Variants in PTPRD observed in about 807,000 individuals in gnomAD.
PTPRD encodes the protein receptor-type tyrosine-protein phosphatase delta.
A neutral mutation model predicts 214.5 loss-of-function variants in PTPRD; 34 were observed. The observed-to-expected ratio is 0.16, with a 90% CI of 0.12 to 0.21. The LOEUF (loss-of-function observed/expected upper bound fraction) is 0.21, where lower values mean the gene tolerates loss of function less well. Ranked by LOEUF, PTPRD falls within the 10% of genes least tolerant of loss-of-function variation. The pLI is 1.00. For missense variants in PTPRD, 2,545 were observed against 2,398.7 expected, an observed-to-expected ratio of 1.06 and a Z score of -1.27; for synonymous variants, 1,128 against 845.7, an observed-to-expected ratio of 1.33 and a Z score of -5.79.
chr9:9,193,084 A>G (rs1472410366), intron 9 of PTPRD, among the ~76,000 whole-genome samples: 1 of 152,180 alleles, frequency 6.6e-6, no homozygotes, highest in Non-Finnish European at 1.5e-5. Flanking sequence ...TGACCTGACT[A>G]TGAAATTCCA....
intron 7 of PTPRD, among the ~76,000 whole-genome samples, chr9:9,690,009 G>A (rs544694592): frequency 1.2e-4 from 18 of 151,692 alleles, no homozygotes; most frequent in Admixed American, 5.9e-4. Context: ...TCCAGTTATC[G>A]GCTCCATATA....
intron 6 of PTPRD, among the ~76,000 whole-genome samples, chr9:9,763,310 C>T (rs1386815183): frequency 6.6e-6 from 1 of 152,100 alleles, no homozygotes; most frequent in Admixed American, 6.6e-5. Flanking sequence ...TTTTTCTAAG[C>T]ATTTTCCTGA....
chr9:8,356,946 A>G (rs944203449), intron 39 of PTPRD, among the ~76,000 whole-genome samples: 2 of 152,210 alleles, frequency 1.3e-5, no homozygotes, highest in African/African-American at 4.8e-5. Context: ...GCACTAAAAT[A>G]TATAGATGAT....
chr9:9,943,949 C>T (rs1752281435), intron 4 of PTPRD, among the ~76,000 whole-genome samples: 1 of 152,146 alleles, frequency 6.6e-6, no homozygotes, highest in African/African-American at 2.4e-5. Flanking sequence ...TATCTTCCTA[C>T]ATATTTCATT....
intron 3 of PTPRD, among the ~76,000 whole-genome samples, chr9:10,069,783 CAATTATGAA>C (rs1240652356): frequency 2.0e-5 from 3 of 151,924 alleles, no homozygotes; most frequent in Non-Finnish European, 4.4e-5. Context: ...ACAATTATGA[CAATTATGAA>C]ATGAACAAAC....
intron 3 of PTPRD, among the ~76,000 whole-genome samples, chr9:10,153,846 TG>T (rs2099077206): frequency 1.3e-5 from 2 of 152,152 alleles, no homozygotes; most frequent in South Asian, 4.1e-4. Context: ...TAGAATTCCA[TG>T]GTATATATTG....
At chr9:9,880,159 C>T in intron 5 of PTPRD, among the ~76,000 whole-genome samples, 1 of 152,100 alleles carries the variant, frequency 6.6e-6, no homozygotes. Context: ...GTTAAGTGTT[C>T]TCACTTTGTG....
intron 7 of PTPRD, among the ~76,000 whole-genome samples, chr9:9,598,048 T>C (rs1288535302): frequency 6.6e-6 from 1 of 152,016 alleles, no homozygotes; most frequent in Admixed American, 6.6e-5. Flanking sequence ...TGTACAGGAC[T>C]TAAGTTGCTG....
At chr9:8,406,039 C>T (rs2092942136) in intron 35 of PTPRD, among the ~76,000 whole-genome samples, 1 of 152,144 alleles carries the variant, frequency 6.6e-6, no homozygotes, top group South Asian at 2.1e-4. Flanking sequence ...GATTATTAAA[C>T]TGTTTTCCTT....
chr9:8,697,383 T>C (rs547889369), intron 12 of PTPRD, among the ~76,000 whole-genome samples: 16 of 151,274 alleles, frequency 1.1e-4, no homozygotes, highest in Admixed American at 9.9e-4. Context: ...TGTTGTTGAT[T>C]TGGGATTTTT....
chr9:10,252,629 G>T (rs2092888501), intron 3 of PTPRD, among the ~76,000 whole-genome samples: 1 of 151,922 alleles, frequency 6.6e-6, no homozygotes, highest in African/African-American at 2.4e-5. Context: ...ATTGTTTTAA[G>T]AAACTGTTTG....
intron 2 of PTPRD, among the ~76,000 whole-genome samples, chr9:10,459,232 C>T (rs1039529116): frequency 2.0e-5 from 3 of 152,134 alleles, no homozygotes; most frequent in African/African-American, 7.2e-5. Context: ...ATGAACTTAT[C>T]CTTTTTTATG....
intron 4 of PTPRD, among the ~76,000 whole-genome samples, chr9:10,006,013 T>C (rs1293229749): frequency 1.3e-5 from 2 of 152,036 alleles, no homozygotes; most frequent in Non-Finnish European, 2.9e-5. Flanking sequence ...CATGCAATTA[T>C]AAACATATAC....
At chr9:9,658,626 A>G (rs1468092493) in intron 7 of PTPRD, among the ~76,000 whole-genome samples, 1 of 152,122 alleles carries the variant, frequency 6.6e-6, no homozygotes, top group Non-Finnish European at 1.5e-5. Flanking sequence ...TTGGCAGAGA[A>G]GGTTATATGC....
rs1369979963 is a variant in PTPRD at position 10,171,857 on chromosome 9, A to C, written c.-544-138067T>G. 4.0e-4 allele frequency among the ~76,000 whole-genome samples: 61 copies of C among 152,080 alleles called. 1 individual carries two copies. Among genetic ancestry groups the C allele is most frequent in the Admixed American group, 4.0e-3 (61 of 15,268 alleles). ...TTTATTAGCAGTGTGAAAATGGATT[A>C]ATAACCCCCATCATGCTGTTTTTTT... On this transcript the variant is annotated intron_variant, in intron 3 of 45. Transcript: ENST00000381196.
intron 5 of PTPRD, among the ~76,000 whole-genome samples, chr9:9,896,802 G>T (rs1243550858): frequency 2.0e-5 from 3 of 151,916 alleles, no homozygotes; most frequent in Non-Finnish European, 4.4e-5. Context: ...ATGTAAAAAT[G>T]ACCTCAGTTG....
chr9:8,635,279 C>T (rs1300564656), intron 13 of PTPRD, among the ~76,000 whole-genome samples: 5 of 151,272 alleles, frequency 3.3e-5, no homozygotes, highest in Non-Finnish European at 5.9e-5. Flanking sequence ...ATGATTTTGT[C>T]AGGAGCCATT....
chr9:10,470,959 T>C lies in PTPRD; in HGVS notation c.-599-129942A>G, dbSNP rs1401246293. The stretch of plus-strand genomic sequence containing the variant: ...TGTGGCACATATACAAGATGGAATA[T>C]TATGCAGCCATAAAAACAATGAGTT... On this transcript the variant is annotated intron_variant, in intron 2 of 45. Transcript: ENST00000381196. Among the ~76,000 whole-genome samples, 7 of 152,238 alleles carry C rather than the reference T, an allele frequency of 4.6e-5. No homozygotes were observed. The East Asian group carries it at 1.3e-3, about 29-fold the overall frequency.
chr9:10,178,728 T>A (rs1182898129), intron 3 of PTPRD, among the ~76,000 whole-genome samples: 1 of 151,896 alleles, frequency 6.6e-6, no homozygotes, highest in Non-Finnish European at 1.5e-5. Context: ...TAATATTGTG[T>A]TGTGAGGGGC....
Sources: gnomAD v4.1 joint callset for allele counts (sites outside exome capture counted in the v4.1 genomes callset) on GRCh38, gnomAD v4.1.1 for gene constraint, MANE v1.5 for transcripts, NCBI Gene and HGNC (gene_info 2026-07-23, HGNC 2026-07-21) for gene names.